Variants in GPATCH8 observed in about 807,000 individuals in gnomAD.
The protein encoded by GPATCH8 is G patch domain-containing protein 8.
GPATCH8 carries 18 observed loss-of-function variants against 118.3 expected under a neutral mutation model. The observed-to-expected ratio is 0.15, with a 90% CI of 0.11 to 0.23. GPATCH8 has a LOEUF of 0.23. Ranked by LOEUF, GPATCH8 falls within the 10% of genes least tolerant of loss-of-function variation. The pLI is 1.00. For synonymous variants in GPATCH8, 659 were observed against 684.7 expected (o/e 0.96, Z 0.59); for missense variants, 1,631 against 1,873.8 (o/e 0.87, Z 2.39).
intron 2 of GPATCH8, chr17:44,465,161 T>C (rs2051712994): frequency 6.6e-6 from 1 of 151,828 alleles, no homozygotes. Context: ...ACAGTGAGGT[T>C]AGTAAAACAA....
chr17:44,434,536 T>G (rs1170462347), intron 5 of GPATCH8, among the ~76,000 whole-genome samples: 1 of 152,132 alleles, frequency 6.6e-6, no homozygotes, highest in Admixed American at 6.6e-5. Context: ...AAACCCCATC[T>G]CTACTAAAAA....
chr17:44,450,061 C>A (rs1208760454), intron 3 of GPATCH8, among the ~76,000 whole-genome samples: 1 of 152,158 alleles, frequency 6.6e-6, no homozygotes, highest in South Asian at 2.1e-4. Flanking sequence ...TCCTGACACC[C>A]CCAAATCTTG....
intron 1 of GPATCH8, among the ~76,000 whole-genome samples, chr17:44,481,302 T>C (rs1968223220): frequency 6.6e-6 from 1 of 152,232 alleles, no homozygotes; most frequent in Non-Finnish European, 1.5e-5. Context: ...AACAACTTTA[T>C]TTGTACGCTA....
At chr17:44,493,330 G>A (rs1184330912) in intron 1 of GPATCH8, among the ~76,000 whole-genome samples, 1 of 151,988 alleles carries the variant, frequency 6.6e-6, no homozygotes, top group Non-Finnish European at 1.5e-5. Context: ...CAAAGTGCTG[G>A]GATTACAGGC....
At chr17:44,444,199 A>G (rs190787072) in intron 3 of GPATCH8, among the ~76,000 whole-genome samples, 7 of 152,072 alleles carry the variant, frequency 4.6e-5, no homozygotes, top group African/African-American at 1.7e-4. Flanking sequence ...GGATAACATG[A>G]TATCCTCAAG....
In GPATCH8 at chr17:44,399,518, G is replaced by C; in HGVS notation, c.2559C>G (p.Arg853=). The C allele has an allele frequency of 3.7e-6, 6 of 1,614,232 alleles. No individual in the cohort carries two copies. The highest frequency in any genetic ancestry group is 5.1e-6 in the Non-Finnish European group (6 of 1,180,042). ...EDSGSEHSRS[R]SRSGRRHSSH... ...AGGAATGGCGCCGGCCAGACCTTGA[G>C]CGGCTGCGGGAATGCTCACTGCCTG... The change falls in exon 8 of 8, where the codon CGC becomes CGG. Residue 853 remains arginine (R), a synonymous_variant. Coordinates refer to ENST00000591680, the MANE Select transcript of GPATCH8 (RefSeq NM_001002909.4).
intron 2 of GPATCH8, chr17:44,464,942 T>TGG: frequency 5.5e-6 from 1 of 180,554 alleles, no homozygotes; most frequent in Non-Finnish European, 1.2e-5. Context: ...GATTTTTTTT[T>TGG]TTTTAAAGAA....
At position 44,399,613 on chromosome 17, in the gene GPATCH8, C is replaced by A. The variant is rs577830028; in HGVS notation, c.2464G>T (p.Asp822Tyr). 9.9e-6 allele frequency: 16 copies of A among 1,614,196 alleles called. No homozygotes were observed. In the African/African-American group the frequency reaches 2.1e-4, roughly 22 times the overall value. The change falls in exon 8 of 8, where the codon GAT becomes TAT. Residue 822 changes from aspartate to tyrosine, a missense_variant. Around this residue, in one of 8 missense-constraint regions of GPATCH8, gnomAD observed 922 missense variants for 879.7 expected, o/e 1.05. Coordinates refer to ENST00000591680, the MANE Select transcript of GPATCH8 (RefSeq NM_001002909.4). Reference sequence around the variant, plus strand: ...TGGTGCAGCCGGTGTGAGGAAGCATCATCACTATCCTCATCTCCACTACTG... The same window carrying A: ...TGGTGCAGCCGGTGTGAGGAAGCATAATCACTATCCTCATCTCCACTACTG... ...QPSSGDEDSDDASSHRLHQKS... is the reference protein window; with the variant it reads ...QPSSGDEDSDYASSHRLHQKS...
At chr17:44,412,798 A>G (rs2049493756) in intron 6 of GPATCH8, among the ~76,000 whole-genome samples, 1 of 152,148 alleles carries the variant, frequency 6.6e-6, no homozygotes, top group Admixed American at 6.5e-5. Context: ...TCTTATGTCA[A>G]TGATCCTGCA....
At chr17:44,426,835 A>AAC (rs71361570) in intron 5 of GPATCH8, among the ~76,000 whole-genome samples, 47 of 148,774 alleles carry the variant, frequency 3.2e-4, no homozygotes, top group Non-Finnish European at 5.2e-4. Context: ...TCTCTTCAAC[A>AAC]ACACACACAC....
At position 44,395,642 on chromosome 17, in the gene GPATCH8, T is replaced by C. The variant is rs1014644523; in HGVS notation, c.*1926A>G. ...TGATGCTTCTGAATCAGATGAGTACTGAACAGGTAGGAGGGTGGGAGGGCA... is the reference window on the plus strand; with the variant it reads ...TGATGCTTCTGAATCAGATGAGTACCGAACAGGTAGGAGGGTGGGAGGGCA... On this transcript the variant is annotated 3_prime_UTR_variant, in exon 8 of 8. Coordinates refer to ENST00000591680, the MANE Select transcript of GPATCH8 (RefSeq NM_001002909.4). 1 of 454,182 alleles carries C rather than the reference T, an allele frequency of 2.2e-6. No individual in the cohort carries two copies. Among genetic ancestry groups the C allele is most frequent in the South Asian group, 1.6e-5 (1 of 64,484 alleles). The allele number at this position is 454,182 out of a possible 1,614,324, so 28.1% of individuals were successfully genotyped here.
chr17:44,421,128 A>G (rs2049884652), intron 6 of GPATCH8, among the ~76,000 whole-genome samples: 1 of 151,976 alleles, frequency 6.6e-6, no homozygotes, highest in South Asian at 2.1e-4. Context: ...CTGGGATTAT[A>G]CTGTGTGAGC....
chr17:44,454,852 TA>T (rs1490548941), intron 3 of GPATCH8, among the ~76,000 whole-genome samples: 1 of 152,232 alleles, frequency 6.6e-6, no homozygotes, highest in Non-Finnish European at 1.5e-5. Flanking sequence ...TCAAAGGCTC[TA>T]CAAGCTCTAT....
chr17:44,493,487 T>C (rs1004434230), intron 1 of GPATCH8, among the ~76,000 whole-genome samples: 3 of 152,202 alleles, frequency 2.0e-5, no homozygotes, highest in African/African-American at 7.2e-5. Context: ...AGTACAATGT[T>C]TTGCATACTG....
At chr17:44,401,475 TA>T in intron 7 of GPATCH8, 22 bp from the exon 8 acceptor site, 1 of 1,513,146 alleles carries the variant, frequency 6.6e-7, no homozygotes, top group South Asian at 1.1e-5. Context: ...TTTAGAAAAA[TA>T]AAAAACAAAA....
chr17:44,414,091 A>ATATATATG (rs1406666240), intron 6 of GPATCH8, among the ~76,000 whole-genome samples: 1 of 129,382 alleles, frequency 7.7e-6, no homozygotes, highest in African/African-American at 2.7e-5. Context: ...GTGTGTGTAT[A>ATATATATG]TATATATATG....
At chr17:44,412,380 AT>A (rs2049475322) in intron 6 of GPATCH8, among the ~76,000 whole-genome samples, 1 of 151,850 alleles carries the variant, frequency 6.6e-6, no homozygotes, top group Non-Finnish European at 1.5e-5. Flanking sequence ...AGAACCTTTC[AT>A]TTTATTTTTT....
At chr17:44,495,701 C>T (rs189897662) in intron 1 of GPATCH8, among the ~76,000 whole-genome samples, 81 of 152,272 alleles carry the variant, frequency 5.3e-4, no homozygotes, top group Middle Eastern at 3.4e-3. Flanking sequence ...TGTTATTGCT[C>T]GCACAGATGA....
intron 1 of GPATCH8, among the ~76,000 whole-genome samples, chr17:44,479,474 A>C (rs1968038232): frequency 1.3e-5 from 2 of 152,238 alleles, no homozygotes; most frequent in Admixed American, 6.5e-5. Context: ...ACGGTGCTAG[A>C]ACTAGGTGTC....
Sources: allele counts gnomAD v4.1 joint callset (sites outside exome capture counted in the v4.1 genomes callset), GRCh38; gene constraint gnomAD v4.1.1; regional missense constraint gnomAD v4.1.1; transcripts MANE v1.5; gene names NCBI Gene and HGNC (gene_info 2026-07-23, HGNC 2026-07-21).